Variants in DPYSL5 observed in about 807,000 individuals in gnomAD.
DPYSL5 encodes dihydropyrimidinase like 5.
DPYSL5 carries 9 observed loss-of-function variants against 58.4 expected under a neutral mutation model. The observed-to-expected ratio is 0.15, with a 90% confidence interval of 0.09 to 0.27. The LOEUF is 0.27. DPYSL5 is among the 10% of genes least tolerant of loss of function. The probability of loss-of-function intolerance (pLI) is 1.00; values close to 1 mark genes in which losing one functional copy is unlikely to be tolerated. For missense variants in DPYSL5, 499 were observed against 770.6 expected (o/e 0.65, Z 4.17); for synonymous variants, 293 against 301.9 (o/e 0.97, Z 0.31).
Position 26,848,268 on chromosome 2 carries a change from G to C in DPYSL5, c.-5+14G>C, listed in dbSNP as rs1404053422. On this transcript the variant is annotated intron_variant, in intron 1 of 12. Coordinates refer to ENST00000288699, the MANE Select transcript of DPYSL5 (RefSeq NM_020134.4). ...CATCTCGGAGGAGTGGGTGATGGCA[G>C]GGGGGTCGGTGGGCTTACCCCTCCC... The C allele has an allele frequency of 6.6e-6, 1 of 152,304 alleles. No individual in the cohort carries two copies. The highest frequency in any genetic ancestry group is 2.4e-5 in the African/African-American group (1 of 41,462). 9.4% of individuals were successfully genotyped at this position (152,304 alleles called of 1,614,324 possible). A position where few individuals can be genotyped will look rare whatever the true frequency, so the allele number is the denominator to read the frequency against.
rs532491286 is a variant in DPYSL5, at chr2:26,942,825, C to T, written c.1440+75C>T. 3.9e-6 allele frequency: 6 copies of T among 1,525,656 alleles called. No individual in the cohort carries two copies. The highest frequency in any genetic ancestry group is 2.3e-5 in the East Asian group (1 of 43,828). The allele number at this position is 1,525,656 out of a possible 1,614,324, so 94.5% of individuals were successfully genotyped here. A position where few individuals can be genotyped will look rare whatever the true frequency, so the allele number is the denominator to read the frequency against. Reference sequence around the variant, plus strand: ...AACATCCTCCATGACTGTTTTAAATCTCAAAGAGATGTTCACTCCAGTTTT... The same window carrying T: ...AACATCCTCCATGACTGTTTTAAATTTCAAAGAGATGTTCACTCCAGTTTT... On this transcript the variant is annotated intron_variant, in intron 11 of 12. Transcript: ENST00000288699. This position sits in a 1 kb window ranked among gnomAD's most constrained non-coding sequence, Gnocchi z 5.9.
chr2:26,935,691 C>CAAAA (rs60367850), intron 8 of DPYSL5, among the ~76,000 whole-genome samples: 12 of 122,646 alleles, frequency 9.8e-5, no homozygotes, highest in Non-Finnish European at 1.5e-4. Context: ...GACTCCATCT[C>CAAAA]AAAAAAAAAA....
At chr2:26,932,187 G>GACAGAAAGAAAGAAAGAAAGA (rs1665037953) in intron 6 of DPYSL5, among the ~76,000 whole-genome samples, 2 of 78,730 alleles carry the variant, frequency 2.5e-5, no homozygotes, top group Admixed American at 1.1e-4. Context: ...AAGAAAGAAA[G>GACAGAAAGAAAGAAAGAAAGA]AAAGAAAGAA....
intron 1 of DPYSL5, among the ~76,000 whole-genome samples, chr2:26,866,719 A>T (rs1228739443): frequency 2.0e-5 from 3 of 151,550 alleles, no homozygotes; most frequent in South Asian, 2.1e-4. Flanking sequence ...AAATAAACTT[A>T]AAAATTCTTC....
At chr2:26,895,775 C>CTTTTTTTTTTTTTTTTTTTTTTTT (rs869030530) in intron 1 of DPYSL5, among the ~76,000 whole-genome samples, 2 of 101,104 alleles carry the variant, frequency 2.0e-5, no homozygotes, top group African/African-American at 3.9e-5. Flanking sequence ...ATTTCTTTTT[C>CTTTTTTTTTTTTTTTTTTTTTTTT]TTTTTTTTTT....
chr2:26,885,469 C>T (rs1663693225), intron 1 of DPYSL5, among the ~76,000 whole-genome samples: 1 of 152,116 alleles, frequency 6.6e-6, no homozygotes, highest in South Asian at 2.1e-4. Context: ...GCAGATGGTC[C>T]CCAGGTACAA....
At chr2:26,892,307 TCTTA>T (rs946421095) in intron 1 of DPYSL5, among the ~76,000 whole-genome samples, 1 of 152,200 alleles carries the variant, frequency 6.6e-6, no homozygotes, top group Admixed American at 6.5e-5. Flanking sequence ...TACTGAGAGC[TCTTA>T]CTTCTATTGA....
At chr2:26,865,609 G>A (rs1252036560) in intron 1 of DPYSL5, among the ~76,000 whole-genome samples, 1 of 152,076 alleles carries the variant, frequency 6.6e-6, no homozygotes, top group African/African-American at 2.4e-5. Flanking sequence ...CACCACACCT[G>A]GCCTGTGTCC....
intron 5 of DPYSL5, among the ~76,000 whole-genome samples, chr2:26,930,083 G>A (rs530182446): frequency 1.4e-4 from 22 of 152,282 alleles, no homozygotes; most frequent in Admixed American, 2.6e-4. Context: ...GAGTGGGTCC[G>A]CTGAGGAGTG....
chr2:26,848,873 C>T (rs997965537), intron 1 of DPYSL5, among the ~76,000 whole-genome samples: 1 of 152,104 alleles, frequency 6.6e-6, no homozygotes, highest in Non-Finnish European at 1.5e-5. Flanking sequence ...CCTGCGGCTG[C>T]CCAGCCCGGA....
chr2:26,932,137 GAGAA>G (rs531719106), intron 6 of DPYSL5, among the ~76,000 whole-genome samples: 2,065 of 59,524 alleles, frequency 0.035, 118 homozygotes, highest in Middle Eastern at 0.053. Flanking sequence ...AAGAAAGAAA[GAGAA>G]AGAAAGAAAG....
chr2:26,907,932 G>C (rs1233991639), intron 2 of DPYSL5, among the ~76,000 whole-genome samples: 8 of 152,156 alleles, frequency 5.3e-5, no homozygotes, highest in African/African-American at 1.9e-4. Context: ...TCCAAGAAAT[G>C]GATGTCAGCA....
chr2:26,921,121 A>G (rs1229064086), intron 2 of DPYSL5, among the ~76,000 whole-genome samples: 1 of 152,198 alleles, frequency 6.6e-6, no homozygotes, highest in East Asian at 1.9e-4. Context: ...CCTGTGTCAC[A>G]TGCTATTTGG....
At chr2:26,946,635 A>C (rs1464876781) in intron 12 of DPYSL5, among the ~76,000 whole-genome samples, 1 of 152,188 alleles carries the variant, frequency 6.6e-6, no homozygotes, top group Non-Finnish European at 1.5e-5. Flanking sequence ...ATGCCTAGGC[A>C]TGGGGCAGTG....
intron 8 of DPYSL5, chr2:26,939,732 C>T: frequency 3.1e-6 from 1 of 323,868 alleles, no homozygotes; most frequent in East Asian, 6.1e-5. Context: ...CTCACTTCAG[C>T]TAGACTCTAA....
Position 26,877,202 on chromosome 2 carries a change from G to C in DPYSL5, c.-4-21294G>C, listed in dbSNP as rs1182044698. Among the ~76,000 whole-genome samples, 2 of 151,796 alleles carry C rather than the reference G, an allele frequency of 1.3e-5. No homozygotes were observed. Among genetic ancestry groups the C allele is most frequent in the Admixed American group, 6.6e-5 (1 of 15,236 alleles). ...GGCTGGCTGGAACTCCTGACCTCAGGTGATCTGCCGGCCTCCGCCTCCCAA... is the reference window on the plus strand; with the variant it reads ...GGCTGGCTGGAACTCCTGACCTCAGCTGATCTGCCGGCCTCCGCCTCCCAA... On this transcript the variant is annotated intron_variant, in intron 1 of 12. Transcript: ENST00000288699. This position sits in a 1 kb window ranked among gnomAD's most constrained non-coding sequence, Gnocchi z 4.1.
intron 1 of DPYSL5, among the ~76,000 whole-genome samples, chr2:26,852,608 C>G (rs1002043108): frequency 1.3e-5 from 2 of 152,198 alleles, no homozygotes; most frequent in Non-Finnish European, 2.9e-5. Flanking sequence ...CCTCCTCCCT[C>G]GTCACAATCC....
intron 1 of DPYSL5, among the ~76,000 whole-genome samples, chr2:26,861,417 C>T (rs1197515778): frequency 1.3e-5 from 2 of 152,230 alleles, no homozygotes; most frequent in Admixed American, 1.3e-4. Flanking sequence ...TTCATCCCTT[C>T]CTTCAGGCAG....
intron 2 of DPYSL5, among the ~76,000 whole-genome samples, chr2:26,903,065 T>TC (rs1206014130): frequency 2.0e-5 from 3 of 150,728 alleles, no homozygotes; most frequent in Non-Finnish European, 4.4e-5. Context: ...TCCTCTACTT[T>TC]CTTTTTTTTT....
Sources: gnomAD v4.1 joint callset for allele counts (sites outside exome capture counted in the v4.1 genomes callset) on GRCh38, gnomAD v4.1.1 for gene constraint, Gnocchi (gnomAD v3.1) non-coding constraint, MANE v1.5 for transcripts, NCBI Gene and HGNC (gene_info 2026-07-23, HGNC 2026-07-21) for gene names.